Variants in XPR1 observed in about 807,000 individuals in gnomAD.
XPR1 encodes solute carrier family 53 member 1.
In XPR1, 28 loss-of-function variants were observed where a neutral mutation model predicts 87.5. The ratio of observed to expected loss-of-function variants is 0.32; its 90% CI spans 0.24 to 0.44. The LOEUF is 0.44. XPR1 is among the 20% of genes least tolerant of loss of function. The pLI is 1.00. For missense variants in XPR1, 559 were observed against 862.3 expected (o/e 0.65, Z 4.41); for synonymous variants, 300 against 306.1 (o/e 0.98, Z 0.21).
chr1:180,827,880 AT>A (rs11445781), intron 9 of XPR1, among the ~76,000 whole-genome samples: 8 of 142,720 alleles, frequency 5.6e-5, no homozygotes, highest in African/African-American at 5.2e-5. Context: ...TTTTTCTTTA[AT>A]TTTTTTTTTT....
intron 12 of XPR1, 49 bp downstream of exon 12, chr1:180,863,923 A>T: frequency 6.7e-7 from 1 of 1,488,786 alleles, no homozygotes; most frequent in East Asian, 2.3e-5. Flanking sequence ...TAGGTATACC[A>T]CTAGCTAATC....
At chr1:180,742,134 T>G (rs1008312807) in intron 2 of XPR1, among the ~76,000 whole-genome samples, 1 of 151,924 alleles carries the variant, frequency 6.6e-6, no homozygotes, top group Non-Finnish European at 1.5e-5. Context: ...TATTAGGGGG[T>G]TTTTTTGGTT....
At chr1:180,778,199 G>T (rs1571828916) in intron 2 of XPR1, among the ~76,000 whole-genome samples, 1 of 151,908 alleles carries the variant, frequency 6.6e-6, no homozygotes, top group Non-Finnish European at 1.5e-5. Context: ...GTCCAGACTG[G>T]TCTCCAACTC....
chr1:180,763,614 A>G (rs937958265), intron 2 of XPR1, among the ~76,000 whole-genome samples: 1 of 152,238 alleles, frequency 6.6e-6, no homozygotes, highest in Admixed American at 6.5e-5. Context: ...GATGTTTAAC[A>G]CAGTAGAAAA....
chr1:180,877,507 A>G (rs546569701), intron 13 of XPR1, among the ~76,000 whole-genome samples: 1 of 152,352 alleles, frequency 6.6e-6, no homozygotes, highest in African/African-American at 2.4e-5. Flanking sequence ...CTCCTACTGT[A>G]TACTGTGTGT....
intron 2 of XPR1, among the ~76,000 whole-genome samples, chr1:180,695,750 G>T (rs1273198635): frequency 6.6e-6 from 1 of 151,956 alleles, no homozygotes; most frequent in African/African-American, 2.4e-5. Context: ...TAAATATGTG[G>T]GTTTATTTTT....
intron 7 of XPR1, among the ~76,000 whole-genome samples, chr1:180,819,968 C>T (rs959514703): frequency 6.6e-6 from 1 of 151,184 alleles, no homozygotes; most frequent in Non-Finnish European, 1.5e-5. Context: ...TGCAGTGAGC[C>T]AGGATCATGC....
At chr1:180,682,001 C>T (rs2101943971) in intron 1 of XPR1, among the ~76,000 whole-genome samples, 1 of 152,238 alleles carries the variant, frequency 6.6e-6, no homozygotes, top group South Asian at 2.1e-4. Flanking sequence ...GTATCCAGTT[C>T]CTGATAGTTT....
chr1:180,709,610 A>G lies in XPR1; in HGVS notation c.121+27199A>G, dbSNP rs577683988. On this transcript the variant is annotated intron_variant, in intron 2 of 14. Coordinates refer to ENST00000367590, the MANE Select transcript of XPR1 (RefSeq NM_004736.4). ...CCTAATTATTTTGAGATTCCAAAGT[A>G]GCAGTGCAATTTTACGTTCACTTAG... is the stretch of plus-strand genomic sequence containing the variant. Among the ~76,000 whole-genome samples the G allele has an allele frequency of 2.0e-5, 3 of 152,360 alleles. No individual in the cohort carries two copies. In the South Asian group the frequency reaches 6.2e-4, roughly 32 times the overall value.
At chr1:180,741,126 T>TA (rs1314059587) in intron 2 of XPR1, among the ~76,000 whole-genome samples, 6 of 66,948 alleles carry the variant, frequency 9.0e-5, no homozygotes, top group African/African-American at 4.2e-4. Flanking sequence ...CTTTGTTAAA[T>TA]GTTGGTTGAT....
At chr1:180,783,169 G>A (rs897436059) in intron 2 of XPR1, among the ~76,000 whole-genome samples, 20 of 151,908 alleles carry the variant, frequency 1.3e-4, no homozygotes, top group Non-Finnish European at 2.8e-4. Flanking sequence ...TGGGAGGATC[G>A]ATTGAGCCTG....
At chr1:180,739,782 C>G (rs1658858375) in intron 2 of XPR1, among the ~76,000 whole-genome samples, 1 of 151,990 alleles carries the variant, frequency 6.6e-6, no homozygotes, top group Admixed American at 6.6e-5. Context: ...ACTATGTTTC[C>G]CAGGCTGGAG....
intron 2 of XPR1, among the ~76,000 whole-genome samples, chr1:180,696,221 T>G (rs1370387390): frequency 2.3e-5 from 3 of 129,392 alleles, no homozygotes; most frequent in Admixed American, 7.4e-5. Flanking sequence ...TATATATATA[T>G]ATATATATAT....
rs969046667 is a variant in XPR1 at position 180,803,480 on chromosome 1, A to G, written c.316A>G (p.Thr106Ala). 10 of 1,614,050 alleles carry G rather than the reference A, an allele frequency of 6.2e-6. No homozygotes were observed. Among genetic ancestry groups the G allele is most frequent in the African/African-American group, 1.3e-5 (1 of 75,054 alleles). ...DAQKESTGVTTLRQRRKPVFH... is the reference protein window; with the variant it reads ...DAQKESTGVTALRQRRKPVFH... The stretch of plus-strand genomic sequence containing the variant: ...ACAGAAAGAAAGCACTGGTGTTACT[A>G]CGCTGCGACAACGCAGAAAGCCAGT... The change falls in exon 4 of 15, where the codon ACG becomes GCG. Residue 106 changes from threonine to alanine, a missense_variant. Around this residue, in one of 7 missense-constraint regions of XPR1, gnomAD observed 159 missense variants for 263.3 expected, o/e 0.60. Coordinates refer to ENST00000367590, the MANE Select transcript of XPR1 (RefSeq NM_004736.4).
At chr1:180,703,176 A>AGTGGGCAAG (rs1231035552) in intron 2 of XPR1, among the ~76,000 whole-genome samples, 8 of 152,126 alleles carry the variant, frequency 5.3e-5, no homozygotes, top group Admixed American at 3.9e-4. Flanking sequence ...TGGTGGTGGC[A>AGTGGGCAAG]GTGGGCAAGG....
chr1:180,802,320 T>A (rs912180533), intron 3 of XPR1, among the ~76,000 whole-genome samples: 4 of 152,226 alleles, frequency 2.6e-5, no homozygotes, highest in Non-Finnish European at 5.9e-5. Flanking sequence ...TATTTTTAAA[T>A]GTATGTGTAG....
intron 4 of XPR1, among the ~76,000 whole-genome samples, chr1:180,804,924 TA>T (rs1360275124): frequency 1.3e-5 from 2 of 152,208 alleles, no homozygotes; most frequent in African/African-American, 4.8e-5. Flanking sequence ...GTTCATAAAT[TA>T]TGTTTGTGTG....
intron 1 of XPR1, among the ~76,000 whole-genome samples, chr1:180,664,130 A>G (rs962260378): frequency 6.6e-6 from 1 of 152,090 alleles, no homozygotes; most frequent in East Asian, 1.9e-4. Context: ...GCTCTTTCCT[A>G]CTGTCGATGA....
chr1:180,873,680 T>A, intron 12 of XPR1, 123 bp from the exon 13 acceptor site: 1 of 1,064,332 alleles, frequency 9.4e-7, no homozygotes, highest in Non-Finnish European at 1.3e-6. Flanking sequence ...ACAACTTTCC[T>A]CTTGAGCCTG....
Sources: allele counts gnomAD v4.1 joint callset (sites outside exome capture counted in the v4.1 genomes callset), GRCh38; gene constraint gnomAD v4.1.1; regional missense constraint gnomAD v4.1.1; transcripts MANE v1.5; gene names NCBI Gene and HGNC (gene_info 2026-07-23, HGNC 2026-07-21).